Variants in ACBD4 observed in about 807,000 individuals in gnomAD.
The protein encoded by ACBD4 is acyl-CoA-binding domain-containing protein 4.
A neutral mutation model predicts 46.0 loss-of-function variants in ACBD4; 41 were observed. That is an observed-to-expected ratio of 0.89 (90% confidence interval 0.69 to 1.16). The LOEUF (loss-of-function observed/expected upper bound fraction) is 1.16. Ranked by LOEUF, ACBD4 falls within the 50% of genes most tolerant of loss-of-function variation. ACBD4 has a pLI of 0.00. For synonymous variants in ACBD4, 162 were observed against 155.9 expected (o/e 1.04, Z -0.29); for missense variants, 393 against 399.5 (o/e 0.98, Z 0.14).
At chr17:45,142,538 A>G (rs543156494) in intron 9 of ACBD4, 113 of 279,312 alleles carry the variant, frequency 4.0e-4, no homozygotes, top group African/African-American at 2.2e-3. Flanking sequence ...CAGTATTCCC[A>G]GGAGCCACAG....
upstream of ACBD4, among the ~76,000 whole-genome samples, chr17:45,134,381 G>A (rs185140946): frequency 2.6e-3 from 391 of 152,350 alleles, 14 homozygotes; most frequent in South Asian, 0.025. Flanking sequence ...GGAGGCAGAG[G>A]TGGGATGATC....
chr17:45,132,315 G>A, upstream of ACBD4: 2 of 1,247,836 alleles, frequency 1.6e-6, no homozygotes, highest in Non-Finnish European at 2.0e-6. The surrounding 1 kb of genome is among the most constrained non-coding windows in gnomAD (Gnocchi z 4.6). Context: ...GCGGGGACGG[G>A]AGAGCGACCG....
upstream of ACBD4, among the ~76,000 whole-genome samples, chr17:45,135,099 G>T (rs1302445595): frequency 2.0e-5 from 3 of 151,958 alleles, no homozygotes; most frequent in Non-Finnish European, 4.4e-5. Context: ...CCGTGTAGCT[G>T]GGATTACAGG....
At chr17:45,136,967 G>A in intron 4 of ACBD4, 52 bp from the exon 5 acceptor site, 1 of 1,610,952 alleles carries the variant, frequency 6.2e-7, no homozygotes, top group Non-Finnish European at 8.5e-7. Flanking sequence ...GCAGGAGCAG[G>A]GAGGAAGGGA....
chr17:45,143,415 C>T (rs1759491164), intron 9 of ACBD4, 28 bp from the exon 10 acceptor site: 1 of 1,581,374 alleles, frequency 6.3e-7, no homozygotes, highest in South Asian at 1.1e-5. Flanking sequence ...CCTGGACTGG[C>T]CTCTGACTCC....
Position 45,137,134 on chromosome 17 carries a change from T to C in ACBD4, c.410T>C (p.Val137Ala). 1 of 1,613,858 alleles carries C rather than the reference T, an allele frequency of 6.2e-7. No homozygotes were observed. Among genetic ancestry groups the C allele is most frequent in the Non-Finnish European group, 8.5e-7 (1 of 1,179,952 alleles). ...PRPPETFLRR[V>A]TGWKEQVVNG... ...CCCCCAGAGACCTTCCTGAGAAGGG[T>C]CACAGGTCAGACTCCCAGGCTGGGA... is the stretch of plus-strand genomic sequence containing the variant. Residue 137 changes from valine to alanine, a missense_variant, in exon 5 of 10, where the codon GTC becomes GCC. Around this residue, in one of 3 missense-constraint regions of ACBD4, gnomAD observed 308 missense variants for 301.8 expected, o/e 1.02. Transcript: ENST00000321854.
chr17:45,139,317 G>T (rs544612513), intron 9 of ACBD4, among the ~76,000 whole-genome samples, 157 bp downstream of exon 9: 1 of 152,326 alleles, frequency 6.6e-6, no homozygotes, highest in Admixed American at 6.5e-5. Flanking sequence ...GGAGGTGGGG[G>T]TGAGGGTGGA....
rs749490319 is a variant in ACBD4 at position 45,143,498 on chromosome 17, C to T, written c.845C>T (p.Ala282Val). Residue 282 changes from alanine (A) to valine (V), a missense_variant, in exon 10 of 10, where the codon GCG (alanine) becomes GTG (valine). Physicochemically the swap from Ala to Val is moderately conservative, Grantham distance 64. Coordinates refer to ENST00000321854, the MANE Select transcript of ACBD4 (RefSeq NM_001135705.3). ...RPWPLGLPGP[A>V]LLFFLLWPFV... ...TGGCCCCTTGGGCTCCCGGGGCCCG[C>T]GCTGCTCTTCTTCCTCCTGTGGCCC... 10 of 1,613,580 alleles carry T rather than the reference C, an allele frequency of 6.2e-6. No homozygotes were observed. Among genetic ancestry groups the T allele is most frequent in the African/African-American group, 2.7e-5 (2 of 74,926 alleles).
At chr17:45,138,648 G>A (rs775760563) in intron 8 of ACBD4, 2 of 238,218 alleles carry the variant, frequency 8.4e-6, no homozygotes, top group East Asian at 8.9e-5. Context: ...AATATTAGCC[G>A]GGTGTGGTGG....
chr17:45,137,949 C>T lies in ACBD4; in HGVS notation c.610C>T (p.Arg204Cys), dbSNP rs772977455. Residue 204 changes from arginine to cysteine, a missense_variant, in exon 8 of 10, where the codon CGT (arginine) becomes TGT (cysteine). Around this residue, in one of 3 missense-constraint regions of ACBD4, gnomAD observed 308 missense variants for 301.8 expected, o/e 1.02. Transcript: ENST00000321854. Reference sequence around the variant, plus strand: ...GCAGCGGGCAGCATCTGGAGGAAAGCGTGATCCCAGGAACAGCCCCGTGCC... The same window carrying T: ...GCAGCGGGCAGCATCTGGAGGAAAGTGTGATCCCAGGAACAGCCCCGTGCC... The part of the protein sequence containing the change: ...TEQRAASGGK[R>C]DPRNSPVPPT... The T allele has an allele frequency of 2.5e-5, 41 of 1,613,802 alleles. No homozygotes were observed. The highest frequency in any genetic ancestry group is 5.3e-5 in the African/African-American group (4 of 74,902).
intron 9 of ACBD4, among the ~76,000 whole-genome samples, chr17:45,140,387 T>C (rs1193623021): frequency 1.3e-5 from 2 of 150,702 alleles, no homozygotes; most frequent in Non-Finnish European, 3.0e-5. Flanking sequence ...TTCACCACGG[T>C]CCCCAGGATG....
upstream of ACBD4, chr17:45,132,481 C>G: frequency 1.0e-6 from 1 of 996,272 alleles, no homozygotes; most frequent in Non-Finnish European, 1.3e-6. The surrounding 1 kb of genome is among the most constrained non-coding windows in gnomAD (Gnocchi z 4.6). Context: ...GCCGCTCTGG[C>G]CCGGCCCCGG....
At chr17:45,137,239 T>C (rs1248064500) in intron 5 of ACBD4, 100 bp downstream of exon 5, 2 of 1,600,364 alleles carry the variant, frequency 1.2e-6, no homozygotes, top group Non-Finnish European at 1.7e-6. Context: ...GACATCCCTG[T>C]TAGGGCCCCC....
chr17:45,143,585 G>T lies in ACBD4; in HGVS notation c.*14G>T. On this transcript the variant is annotated 3_prime_UTR_variant, in exon 10 of 10. Coordinates refer to ENST00000321854, the MANE Select transcript of ACBD4 (RefSeq NM_001135705.3). Reference sequence around the variant, plus strand: ...CAAAAGAGGTGACTGTCAGTGGAGGGGTCTCTGCAGCCAACTGAGACTATC... The same window carrying T: ...CAAAAGAGGTGACTGTCAGTGGAGGTGTCTCTGCAGCCAACTGAGACTATC... 6.2e-7 allele frequency: 1 copy of T among 1,614,020 alleles called. No individual in the cohort carries two copies. Among genetic ancestry groups the T allele is most frequent in the Non-Finnish European group, 8.5e-7 (1 of 1,180,000 alleles).
chr17:45,133,840 C>A (rs1338491363), upstream of ACBD4, among the ~76,000 whole-genome samples: 9 of 151,666 alleles, frequency 5.9e-5, no homozygotes, highest in Non-Finnish European at 1.0e-4. Context: ...CCTGAATTTT[C>A]TTCTTGATTA....
At chr17:45,138,805 G>T (rs1405368410) in intron 8 of ACBD4, among the ~76,000 whole-genome samples, 1 of 150,400 alleles carries the variant, frequency 6.6e-6, no homozygotes, top group African/African-American at 2.4e-5. Flanking sequence ...AAAAAAAAAA[G>T]GTAATGACTT....
At chr17:45,136,896 T>G in intron 4 of ACBD4, 120 bp downstream of exon 4, 1 of 1,582,040 alleles carries the variant, frequency 6.3e-7, no homozygotes, top group South Asian at 1.1e-5. Context: ...ACCTTCATGT[T>G]ACCCCCAACC....
upstream of ACBD4, among the ~76,000 whole-genome samples, chr17:45,134,999 A>C (rs1598061681): frequency 7.0e-5 from 9 of 129,130 alleles, no homozygotes; most frequent in Admixed American, 8.6e-5. Context: ...ATGGAGTCTC[A>C]CTCTCGCCCA....
intron 5 of ACBD4, 94 bp downstream of exon 5, chr17:45,137,233 TC>T: frequency 1.2e-6 from 2 of 1,602,540 alleles, no homozygotes; most frequent in Non-Finnish European, 1.7e-6. Context: ...CCAGGCGACA[TC>T]CCTGTTAGGG....
Sources: allele counts gnomAD v4.1 joint callset (sites outside exome capture counted in the v4.1 genomes callset), GRCh38; gene constraint gnomAD v4.1.1; regional missense constraint gnomAD v4.1.1; non-coding constraint Gnocchi (gnomAD v3.1); transcripts MANE v1.5; gene names NCBI Gene and HGNC (gene_info 2026-07-23, HGNC 2026-07-21).